PHLDB1: variants seen among roughly 807,000 people sequenced by gnomAD.
PHLDB1 encodes the protein pleckstrin homology-like domain family B member 1.
PHLDB1 carries 65 observed loss-of-function variants against 139.3 expected under a neutral mutation model. The ratio of observed to expected loss-of-function variants is 0.47; its 90% CI spans 0.38 to 0.57. The LOEUF is 0.57. Among genes scored for constraint, PHLDB1 ranks in the 20% least tolerant of loss-of-function variants. The pLI is 0.00. For synonymous variants in PHLDB1, 679 were observed against 734.5 expected, an observed-to-expected ratio of 0.92 and a Z score of 1.22; for missense variants, 1,624 against 1,839.7, an observed-to-expected ratio of 0.88 and a Z score of 2.14.
intron 2 of PHLDB1, 121 bp downstream of exon 2, chr11:118,614,017 C>T: frequency 1.5e-6 from 1 of 671,016 alleles, no homozygotes; most frequent in Non-Finnish European, 2.7e-6. Flanking sequence ...CTGCCCTTCC[C>T]CAGGTCCCAA....
chr11:118,639,420 G>T, intron 12 of PHLDB1, 169 bp downstream of exon 12: 1 of 625,984 alleles, frequency 1.6e-6, no homozygotes. Context: ...ATTTTCCATG[G>T]CTGCCAGCTG....
chr11:118,622,592 C>T (rs1565412363), intron 4 of PHLDB1, among the ~76,000 whole-genome samples: 1 of 152,094 alleles, frequency 6.6e-6, no homozygotes, highest in Non-Finnish European at 1.5e-5. Context: ...CTTGGGTGGG[C>T]CTGGGACTGC....
At position 118,650,252 on chromosome 11, in the gene PHLDB1, C is replaced by T. The variant is rs1380415081; in HGVS notation, c.3771+59C>T. The T allele has an allele frequency of 7.6e-7, 1 of 1,315,638 alleles. No individual in the cohort carries two copies. The highest frequency in any genetic ancestry group is 1.1e-6 in the Non-Finnish European group (1 of 908,436). 81.5% of individuals were successfully genotyped at this position (1,315,638 alleles called of 1,614,324 possible). A position where few individuals can be genotyped will look rare whatever the true frequency, so the allele number is the denominator to read the frequency against. ...AGAGGGAGAATCCCGTGGTGAGAGG[C>T]ACCTCCTGGGTCGTTGGAATAGTGG... On this transcript the variant is annotated intron_variant, in intron 19 of 22. Coordinates refer to ENST00000600882, the MANE Select transcript of PHLDB1 (RefSeq NM_001144758.3). The surrounding 1 kb of genome is among the most constrained non-coding windows in gnomAD (Gnocchi z 4.7).
intron 20 of PHLDB1, chr11:118,654,259 C>A: frequency 6.6e-6 from 1 of 152,360 alleles, no homozygotes. Context: ...GGGATCCTGC[C>A]CCTTCTCACT....
Position 118,632,049 on chromosome 11 carries a change from G to T in PHLDB1, c.2237G>T (p.Arg746Leu). The T allele has an allele frequency of 1.2e-6, 2 of 1,613,892 alleles. No homozygotes were observed. The highest frequency in any genetic ancestry group is 2.2e-5 in the East Asian group (1 of 44,872). ...ELEQQLQESA[R>L]EAEMERALLQ... The stretch of plus-strand genomic sequence containing the variant: ...GAGCAGCAGCTGCAGGAGTCAGCCC[G>T]AGAGGTGAGCCGTGAAGTCCCTAGC... Residue 746 changes from arginine (R) to leucine (L), a missense_variant, in exon 8 of 23, where the codon CGA becomes CTA. By Grantham distance (102) the Arg-to-Leu change is moderately radical (BLOSUM62 -2). Coordinates refer to ENST00000600882, the MANE Select transcript of PHLDB1 (RefSeq NM_001144758.3). This position sits in a 1 kb window ranked among gnomAD's most constrained non-coding sequence, Gnocchi z 5.9.
At chr11:118,652,216 C>T (rs1948447969) in intron 20 of PHLDB1, 1 of 152,246 alleles carries the variant, frequency 6.6e-6, no homozygotes, top group African/African-American at 2.4e-5. Flanking sequence ...CTCTAAGAAA[C>T]CTTCCCTGAC....
At chr11:118,634,966 G>T (rs1555114080) in intron 9 of PHLDB1, 1 of 457,570 alleles carries the variant, frequency 2.2e-6, no homozygotes, top group Admixed American at 2.4e-5. Context: ...CTGGAGGCCC[G>T]CCAGGCGCTC....
chr11:118,655,276 A>G (rs1555140862), intron 20 of PHLDB1: 3 of 205,040 alleles, frequency 1.5e-5, no homozygotes, highest in East Asian at 1.2e-4. Flanking sequence ...GGTTTTACCA[A>G]TTTATACTCC....
At chr11:118,617,973 C>G (rs919739188) in intron 4 of PHLDB1, among the ~76,000 whole-genome samples, 5 of 152,034 alleles carry the variant, frequency 3.3e-5, no homozygotes, top group African/African-American at 9.7e-5. Context: ...TCACATTCAT[C>G]GGTAAGAACA....
chr11:118,613,267 G>T, intron 1 of PHLDB1: 1 of 984,216 alleles, frequency 1.0e-6, no homozygotes, highest in Non-Finnish European at 1.2e-6. Context: ...AGGAATGGCT[G>T]AGTTTTTCTT....
At chr11:118,625,097 G>A in intron 5 of PHLDB1, 38 bp downstream of exon 5, 1 of 1,551,070 alleles carries the variant, frequency 6.4e-7, no homozygotes, top group Non-Finnish European at 8.7e-7. Flanking sequence ...GGTTGATGGT[G>A]TTCCTGCAGC....
In PHLDB1 at chr11:118,650,760, C is replaced by T; in HGVS notation, c.3874+213C>T. On this transcript the variant is annotated intron_variant, in intron 20 of 22. Coordinates refer to ENST00000600882, the MANE Select transcript of PHLDB1 (RefSeq NM_001144758.3). The surrounding 1 kb of genome is among the most constrained non-coding windows in gnomAD (Gnocchi z 4.7). ...TTCATTCCTTCATTCAGCAATGTTACTAAGCATCTAGTAAGTTCTAGGCAC... is the reference window on the plus strand; with the variant it reads ...TTCATTCCTTCATTCAGCAATGTTATTAAGCATCTAGTAAGTTCTAGGCAC... 3.4e-6 allele frequency: 2 copies of T among 582,476 alleles called. No individual in the cohort carries two copies. Among genetic ancestry groups the T allele is most frequent in the East Asian group, 5.8e-5 (2 of 34,774 alleles). The allele number at this position is 582,476 out of a possible 1,614,324, so 36.1% of individuals were successfully genotyped here. A position where few individuals can be genotyped will look rare whatever the true frequency, so the allele number is the denominator to read the frequency against.
At position 118,657,655 on chromosome 11, in the gene PHLDB1, AGAGGAGG is replaced by A; in HGVS notation, c.*833_*839del. The stretch of plus-strand genomic sequence containing the variant: ...GATGAAGCCGGGGGATCTATGGAAC[AGAGGAGG>A]AGCGATGCAGTTGGGAGAGGAAGCT... On this transcript the variant is annotated 3_prime_UTR_variant, in exon 23 of 23. Coordinates refer to ENST00000600882, the MANE Select transcript of PHLDB1 (RefSeq NM_001144758.3). 6.5e-6 allele frequency: 1 copy of A among 153,870 alleles called. No homozygotes were observed. The highest frequency in any genetic ancestry group is 1.5e-5 in the Non-Finnish European group (1 of 68,886). 9.5% of individuals were successfully genotyped at this position (153,870 alleles called of 1,614,324 possible).
At chr11:118,612,962 C>T (rs143342938) in intron 1 of PHLDB1, among the ~76,000 whole-genome samples, 35 of 152,116 alleles carry the variant, frequency 2.3e-4, no homozygotes, top group Middle Eastern at 3.4e-3. Flanking sequence ...TCTCAGATAC[C>T]AAAAACATGA....
rs782477450 is a variant in PHLDB1 at position 118,631,188 on chromosome 11, C to T, written c.1828-19C>T. The T allele has an allele frequency of 7.1e-7, 1 of 1,418,234 alleles. No individual in the cohort carries two copies. The highest frequency in any genetic ancestry group is 9.2e-7 in the Non-Finnish European group (1 of 1,081,652). The allele number at this position is 1,418,234 out of a possible 1,614,324, so 87.9% of individuals were successfully genotyped here. On this transcript the variant is annotated intron_variant, in intron 6 of 22. Transcript: ENST00000600882. ...TCAGCTTCCTCCCCTTCATGTCCTG[C>T]TCTGTCCATCCTCCCCAGGAACGCC...
At chr11:118,629,150 CCTT>C (rs1944364322) in intron 6 of PHLDB1, among the ~76,000 whole-genome samples, 1 of 152,202 alleles carries the variant, frequency 6.6e-6, no homozygotes, top group African/African-American at 2.4e-5. Context: ...AGTACCTTGT[CCTT>C]CTTTTTTGCT....
Position 118,656,897 on chromosome 11 carries a change from G to A in PHLDB1, c.*74G>A. On this transcript the variant is annotated 3_prime_UTR_variant, in exon 23 of 23. Coordinates refer to ENST00000600882, the MANE Select transcript of PHLDB1 (RefSeq NM_001144758.3). Reference sequence around the variant, plus strand: ...GACTTTAATATTCTGTAAGGAGCTTGGTCCTGTGAGTTTCTGGGCTCTGGC... The same window carrying A: ...GACTTTAATATTCTGTAAGGAGCTTAGTCCTGTGAGTTTCTGGGCTCTGGC... 7.3e-7 allele frequency: 1 copy of A among 1,364,804 alleles called. No individual in the cohort carries two copies. Among genetic ancestry groups the A allele is most frequent in the Non-Finnish European group, 1.0e-6 (1 of 993,004 alleles). 84.5% of individuals were successfully genotyped at this position (1,364,804 alleles called of 1,614,324 possible). A position where few individuals can be genotyped will look rare whatever the true frequency, so the allele number is the denominator to read the frequency against.
Position 118,616,123 on chromosome 11 carries a change from C to T in PHLDB1, c.267C>T (p.Asn89=). 6.2e-7 allele frequency: 1 copy of T among 1,614,102 alleles called. No homozygotes were observed. The highest frequency in any genetic ancestry group is 8.5e-7 in the Non-Finnish European group (1 of 1,179,940). Residue 89 remains asparagine (N), a synonymous_variant, in exon 4 of 23, where the codon AAC becomes AAT. Transcript: ENST00000600882. ...CTCCAGAGCACTGCTACATCGAGAA[C>T]CTGCGGGGCACCCTCACCCTCTACC... ...GLAPEHCYIE[N]LRGTLTLYPC... is the part of the protein sequence containing the mutation.
chr11:118,622,303 C>T (rs1942981944), intron 4 of PHLDB1, among the ~76,000 whole-genome samples: 1 of 152,168 alleles, frequency 6.6e-6, no homozygotes, highest in African/African-American at 2.4e-5. Flanking sequence ...CTGGCCAGAC[C>T]CCTGGGGGCT....
Sources: gnomAD v4.1 joint callset for allele counts (sites outside exome capture counted in the v4.1 genomes callset) on GRCh38, gnomAD v4.1.1 for gene constraint, Gnocchi (gnomAD v3.1) non-coding constraint, MANE v1.5 for transcripts, NCBI Gene and HGNC (gene_info 2026-07-23, HGNC 2026-07-21) for gene names.